Variants in NTRK2 observed in about 807,000 individuals in gnomAD.
NTRK2 encodes BDNF/NT-3 growth factors receptor.
Under a neutral mutation model 94.5 loss-of-function variants are expected in NTRK2, and 13 were observed. The ratio of observed to expected loss-of-function variants is 0.14; its 90% CI spans 0.09 to 0.22. The LOEUF is 0.22. Among genes scored for constraint, NTRK2 ranks in the 10% least tolerant of loss-of-function variants. The pLI, the probability that NTRK2 is intolerant of heterozygous loss-of-function variation, is 1.00. For missense variants in NTRK2, 639 were observed against 1,071.2 expected (o/e 0.60, Z 5.63); for synonymous variants, 372 against 407.4 (o/e 0.91, Z 1.05).
intron 13 of NTRK2, among the ~76,000 whole-genome samples, chr9:84,865,628 G>A (rs1396844510): frequency 6.6e-6 from 1 of 152,246 alleles, no homozygotes; most frequent in African/African-American, 2.4e-5. Flanking sequence ...CATGCATTTA[G>A]TAGGGGGGGT....
chr9:84,842,955 T>A (rs1435748968), intron 12 of NTRK2, among the ~76,000 whole-genome samples: 2 of 152,122 alleles, frequency 1.3e-5, no homozygotes, highest in Admixed American at 1.3e-4. Context: ...ATTCCCATGA[T>A]CCAGTCTTTT....
At chr9:84,895,568 T>C (rs1049987924) in intron 14 of NTRK2, among the ~76,000 whole-genome samples, 1 of 152,210 alleles carries the variant, frequency 6.6e-6, no homozygotes, top group Non-Finnish European at 1.5e-5. Flanking sequence ...AGCTTCTTGG[T>C]AAAGGGTTTT....
At chr9:84,714,369 T>C (rs938529455) in intron 6 of NTRK2, among the ~76,000 whole-genome samples, 3 of 152,232 alleles carry the variant, frequency 2.0e-5, no homozygotes, top group Admixed American at 6.5e-5. Flanking sequence ...CTGTACTGCT[T>C]TTCATTAATC....
At chr9:84,877,696 G>A (rs555963997) in intron 14 of NTRK2, 10 of 1,061,408 alleles carry the variant, frequency 9.4e-6, no homozygotes, top group South Asian at 9.1e-5. Context: ...GCAAGGGAGC[G>A]GACCTAACAC....
chr9:84,810,566 C>T (rs529249420), intron 12 of NTRK2: 38 of 1,613,656 alleles, frequency 2.4e-5, no homozygotes, highest in Non-Finnish European at 2.7e-5. Context: ...CATAAGATCC[C>T]ACTGGATGGG....
At chr9:84,966,795 C>T (rs536711107) in intron 17 of NTRK2, among the ~76,000 whole-genome samples, 5 of 152,288 alleles carry the variant, frequency 3.3e-5, no homozygotes, top group South Asian at 2.1e-4. Context: ...GGATATAACA[C>T]GGTCTCCTCT....
At chr9:84,761,229 T>C (rs2065534851) in intron 12 of NTRK2, among the ~76,000 whole-genome samples, 1 of 152,116 alleles carries the variant, frequency 6.6e-6, no homozygotes, top group Non-Finnish European at 1.5e-5. Flanking sequence ...GACATTAATA[T>C]CCTGGATTGA....
At chr9:84,711,935 C>T (rs1009843355) in intron 6 of NTRK2, among the ~76,000 whole-genome samples, 5 of 152,104 alleles carry the variant, frequency 3.3e-5, no homozygotes, top group African/African-American at 1.2e-4. Context: ...TGCTAGCTAA[C>T]ACTTAAAAAA....
intron 17 of NTRK2, among the ~76,000 whole-genome samples, chr9:84,979,950 A>G (rs1827374830): frequency 6.6e-6 from 1 of 152,246 alleles, no homozygotes; most frequent in African/African-American, 2.4e-5. Context: ...TTATTTAGCT[A>G]TAACGCTATT....
chr9:84,877,809 C>T (rs200758524), intron 14 of NTRK2: 175 of 1,047,294 alleles, frequency 1.7e-4, no homozygotes, highest in Middle Eastern at 8.7e-4. Flanking sequence ...ATGATCTGTC[C>T]GAAAATGAGA....
chr9:84,771,449 A>G (rs2066534681), intron 12 of NTRK2, among the ~76,000 whole-genome samples: 1 of 152,228 alleles, frequency 6.6e-6, no homozygotes, highest in Non-Finnish European at 1.5e-5. Flanking sequence ...TGGCATGGCC[A>G]TCTAGATGGA....
chr9:84,713,486 TGAA>T (rs2061534284), intron 6 of NTRK2, among the ~76,000 whole-genome samples: 1 of 152,242 alleles, frequency 6.6e-6, no homozygotes, highest in African/African-American at 2.4e-5. Flanking sequence ...CTGGCTTTTT[TGAA>T]GATGTCATAT....
intron 12 of NTRK2, among the ~76,000 whole-genome samples, chr9:84,769,434 G>A (rs1356342950): frequency 6.6e-6 from 1 of 152,150 alleles, no homozygotes; most frequent in Admixed American, 6.6e-5. Context: ...TAAAGATGTA[G>A]AGGCATAAGA....
At chr9:84,766,864 A>G (rs2066082326) in intron 12 of NTRK2, among the ~76,000 whole-genome samples, 1 of 152,070 alleles carries the variant, frequency 6.6e-6, no homozygotes, top group African/African-American at 2.4e-5. Flanking sequence ...CTTTTAAAAC[A>G]CACGTTCGAC....
At chr9:84,897,444 C>G (rs1162496860) in intron 14 of NTRK2, among the ~76,000 whole-genome samples, 1 of 152,184 alleles carries the variant, frequency 6.6e-6, no homozygotes, top group Non-Finnish European at 1.5e-5. Context: ...CTTGAGCCCC[C>G]GTTCTTAATC....
intron 16 of NTRK2, among the ~76,000 whole-genome samples, chr9:84,951,545 A>ATG (rs5898876): frequency 0.054 from 8,194 of 151,602 alleles, 301 homozygotes; most frequent in East Asian, 0.12. Context: ...ACATACATGA[A>ATG]TGTGTGTGTG....
intron 13 of NTRK2, among the ~76,000 whole-genome samples, chr9:84,863,569 A>G (rs1375439095): frequency 6.6e-6 from 1 of 152,166 alleles, no homozygotes; most frequent in South Asian, 2.1e-4. Flanking sequence ...ACATCCTGTG[A>G]TATGCACAGA....
intron 12 of NTRK2, among the ~76,000 whole-genome samples, chr9:84,760,434 G>T (rs907485301): frequency 6.6e-6 from 1 of 152,146 alleles, no homozygotes. Flanking sequence ...TGTCGCAAAT[G>T]TAAACAGTGA....
At chr9:84,781,741 G>T (rs1345727846) in intron 12 of NTRK2, among the ~76,000 whole-genome samples, 1 of 152,124 alleles carries the variant, frequency 6.6e-6, no homozygotes. Context: ...AGCTTAGAGA[G>T]TGTCTTTAGT....
Sources: gnomAD v4.1 joint callset for allele counts (sites outside exome capture counted in the v4.1 genomes callset) on GRCh38, gnomAD v4.1.1 for gene constraint, MANE v1.5 for transcripts, NCBI Gene and HGNC (gene_info 2026-07-23, HGNC 2026-07-21) for gene names.